Variants in PGAP2 observed in about 807,000 individuals in gnomAD.
PGAP2 encodes the protein post-GPI attachment to proteins 2.
In PGAP2, 21 loss-of-function variants were observed where a neutral mutation model predicts 33.2. That is an observed-to-expected ratio of 0.63 (90% confidence interval 0.45 to 0.91). PGAP2 has a LOEUF of 0.91. Among genes scored for constraint, PGAP2 ranks in the 40% least tolerant of loss-of-function variants. The pLI, the probability that PGAP2 is intolerant of heterozygous loss-of-function variation, is 0.00. For missense variants in PGAP2, 345 were observed against 424.0 expected (o/e 0.81, Z 1.64); for synonymous variants, 161 against 172.9 (o/e 0.93, Z 0.54).
At chr11:3,815,666 A>T (rs1180768629) in intron 2 of PGAP2, among the ~76,000 whole-genome samples, 2 of 152,180 alleles carry the variant, frequency 1.3e-5, no homozygotes, top group African/African-American at 4.8e-5. Context: ...TGATTTGGGT[A>T]TAGAACTCCA....
upstream of PGAP2, among the ~76,000 whole-genome samples, chr11:3,805,568 T>C (rs2134205894): frequency 6.7e-6 from 1 of 148,550 alleles, no homozygotes; most frequent in South Asian, 2.2e-4. Flanking sequence ...AGTGTGGATA[T>C]TCCTAAATCA....
chr11:3,820,632 C>T (rs1466821361), intron 3 of PGAP2, among the ~76,000 whole-genome samples: 5 of 151,898 alleles, frequency 3.3e-5, no homozygotes, highest in Non-Finnish European at 7.4e-5. Context: ...TGCACTCCAG[C>T]CTAGGCAACA....
intron 2 of PGAP2, among the ~76,000 whole-genome samples, chr11:3,813,159 A>G (rs1250510764): frequency 1.3e-5 from 2 of 152,262 alleles, no homozygotes; most frequent in East Asian, 3.9e-4. Flanking sequence ...TGTCTTCCCA[A>G]CCAGATGGGG....
In PGAP2 at chr11:3,808,635, T is replaced by G; in HGVS notation, c.-27T>G. The stretch of plus-strand genomic sequence containing the variant: ...GGGCCCCCGGGTTCCGCCGGCACTC[T>G]CGCCACCACCGCGTGGGTGAGTATG... On this transcript the variant is annotated 5_prime_UTR_variant, in exon 1 of 7. Coordinates refer to ENST00000278243, the MANE Select transcript of PGAP2 (RefSeq NM_014489.4). 3.9e-6 allele frequency: 5 copies of G among 1,288,302 alleles called. No individual in the cohort carries two copies. The highest frequency in any genetic ancestry group is 4.9e-6 in the Non-Finnish European group (5 of 1,013,708). 79.8% of individuals were successfully genotyped at this position (1,288,302 alleles called of 1,614,324 possible).
intron 5 of PGAP2, chr11:3,824,715 TG>T (rs2089688862): frequency 9.4e-7 from 1 of 1,067,662 alleles, no homozygotes; most frequent in Non-Finnish European, 1.3e-6. Context: ...CCCATGTACA[TG>T]GGTTTCTTTT....
At chr11:3,807,329 T>C (rs564610671), upstream of PGAP2, among the ~76,000 whole-genome samples, 6 of 127,916 alleles carry the variant, frequency 4.7e-5, no homozygotes, top group South Asian at 1.5e-3. Context: ...TTTTTTTTAA[T>C]GGAGTTTCGC....
intron 1 of PGAP2, chr11:3,798,082 C>G: frequency 1.3e-6 from 2 of 1,498,486 alleles, no homozygotes; most frequent in Non-Finnish European, 1.8e-6. Context: ...CGTGCGGAGC[C>G]TGAGGGCCCT....
chr11:3,798,185 G>T (rs1212493340), intron 1 of PGAP2: 4 of 1,326,398 alleles, frequency 3.0e-6, no homozygotes, highest in Non-Finnish European at 3.9e-6. Context: ...GCTCGCCCCA[G>T]CACTTTCTTT....
chr11:3,819,367 A>G (rs911605995), intron 3 of PGAP2, among the ~76,000 whole-genome samples: 1 of 152,168 alleles, frequency 6.6e-6, no homozygotes, highest in Admixed American at 6.6e-5. Flanking sequence ...GCAGTAGCTC[A>G]TGCTCCTGGG....
At chr11:3,817,908 C>G (rs1318856927) in intron 3 of PGAP2, 2 of 459,364 alleles carry the variant, frequency 4.4e-6, no homozygotes, top group Non-Finnish European at 8.6e-6. Context: ...TAGCTGGGTG[C>G]CCTGGCATGC....
chr11:3,801,142 AAAAG>A (rs1374981529), intron 1 of PGAP2, among the ~76,000 whole-genome samples: 6 of 151,710 alleles, frequency 4.0e-5, no homozygotes, highest in Admixed American at 1.3e-4. Context: ...CTTCAAAAAA[AAAAG>A]AAAAGAAAGG....
chr11:3,797,966 G>T, exon 1 of PGAP2: 1 of 1,547,334 alleles, frequency 6.5e-7, no homozygotes, highest in Non-Finnish European at 8.7e-7. Context: ...TCAGAGGGAC[G>T]GCCCCAGAAT....
At chr11:3,823,285 C>A (rs2089318563) in intron 3 of PGAP2, among the ~76,000 whole-genome samples, 1 of 151,940 alleles carries the variant, frequency 6.6e-6, no homozygotes, top group Non-Finnish European at 1.5e-5. Flanking sequence ...ATCCACCCAC[C>A]TCGGCCTCCC....
intron 3 of PGAP2, 97 bp from the exon 4 acceptor site, chr11:3,823,786 G>C (rs746384132): frequency 6.3e-7 from 1 of 1,598,806 alleles, no homozygotes; most frequent in African/African-American, 1.3e-5. Flanking sequence ...GGAGGGGCTG[G>C]AGCAGAGGCA....
intron 3 of PGAP2, among the ~76,000 whole-genome samples, chr11:3,819,720 G>A (rs1452108737): frequency 6.6e-6 from 1 of 152,120 alleles, no homozygotes; most frequent in African/African-American, 2.4e-5. Flanking sequence ...GGTGAGCTGT[G>A]TACCCAGTTT....
chr11:3,820,545 A>G (rs953775949), intron 3 of PGAP2, among the ~76,000 whole-genome samples: 1 of 152,186 alleles, frequency 6.6e-6, no homozygotes, highest in Non-Finnish European at 1.5e-5. Context: ...CTGTAATCCC[A>G]GCTACTCGGG....
At position 3,824,066 on chromosome 11, in the gene PGAP2, T is replaced by C. The variant is rs748585688; in HGVS notation, c.532T>C (p.Phe178Leu). ...SCYRPLCRLN[F>L]GLNVVENLAL... is the part of the protein sequence containing the mutation. ...CTATCGCCCGCTCTGCCGCCTCAAC[T>C]TCGGCCTCAATGTCGTGGAGAACCT... The change falls in exon 4 of 7, where the codon TTC becomes CTC. Residue 178 changes from phenylalanine to leucine, a missense_variant. Phe to Leu is a conservative substitution (Grantham distance 22, BLOSUM62 0). Transcript: ENST00000278243. 5.6e-6 allele frequency: 9 copies of C among 1,614,148 alleles called. No individual in the cohort carries two copies. The East Asian group carries it at 2.0e-4, about 36-fold the overall frequency.
intron 5 of PGAP2, 39 bp from the exon 6 acceptor site, chr11:3,824,981 C>A: frequency 6.2e-7 from 1 of 1,613,246 alleles, no homozygotes; most frequent in Non-Finnish European, 8.5e-7. Flanking sequence ...GCTCTCATAC[C>A]CAGCAAGCTG....
At chr11:3,799,488 T>TG (rs2083141423) in intron 1 of PGAP2, among the ~76,000 whole-genome samples, 1 of 151,936 alleles carries the variant, frequency 6.6e-6, no homozygotes, top group African/African-American at 2.4e-5. Flanking sequence ...TTACAGTGAG[T>TG]GGAGATCCTG....
Sources: gnomAD v4.1 joint callset for allele counts (sites outside exome capture counted in the v4.1 genomes callset) on GRCh38, gnomAD v4.1.1 for gene constraint, MANE v1.5 for transcripts, NCBI Gene and HGNC (gene_info 2026-07-23, HGNC 2026-07-21) for gene names.